NFATC3: variants seen among roughly 807,000 people sequenced by gnomAD.
NFATC3 encodes the protein nuclear factor of activated T-cells, cytoplasmic 3.
In NFATC3, 46 loss-of-function variants were observed where a neutral mutation model predicts 98.6. The ratio of observed to expected loss-of-function variants is 0.47; its 90% CI spans 0.37 to 0.60. The LOEUF is 0.60. NFATC3 is among the 20% of genes least tolerant of loss of function. The probability of loss-of-function intolerance (pLI) is 0.00; values close to 1 mark genes in which losing one functional copy is unlikely to be tolerated. For missense variants in NFATC3, 1,256 were observed against 1,295.5 expected, an observed-to-expected ratio of 0.97 and a Z score of 0.47; for synonymous variants, 512 against 472.2, an observed-to-expected ratio of 1.08 and a Z score of -1.09.
chr16:68,091,554 T>A (rs2034708698), intron 1 of NFATC3, among the ~76,000 whole-genome samples: 1 of 152,206 alleles, frequency 6.6e-6, no homozygotes, highest in South Asian at 2.1e-4. Flanking sequence ...GTTAATGAGT[T>A]GTATCACTGA....
In NFATC3 at chr16:68,122,037, C is replaced by T. The variant is rs147109422; in HGVS notation, c.154C>T (p.Pro52Ser). The T allele has an allele frequency of 9.2e-5, 148 of 1,613,438 alleles. No homozygotes were observed. Among genetic ancestry groups the T allele is most frequent in the Non-Finnish European group, 1.1e-4 (133 of 1,179,936 alleles). ...ASIYIFNVDP[P>S]PSTLTTPLCL... ...CATTTACATCTTTAATGTAGATCCA[C>T]CTCCATCTACTTTAACCACACCACT... is the stretch of plus-strand genomic sequence containing the variant. Residue 52 changes from proline (P) to serine (S), a missense_variant, in exon 2 of 10, where the codon CCT becomes TCT. Physicochemically the swap from Pro to Ser is moderately conservative, Grantham distance 74. Coordinates refer to ENST00000346183, the MANE Select transcript of NFATC3 (RefSeq NM_173165.3).
chr16:68,188,888 A>G (rs2040324045), intron 8 of NFATC3, among the ~76,000 whole-genome samples: 1 of 151,974 alleles, frequency 6.6e-6, no homozygotes, highest in Admixed American at 6.6e-5. Flanking sequence ...TTGTGTTTTT[A>G]GTAGAGACAG....
chr16:68,157,828 A>G, intron 3 of NFATC3, 41 bp from the exon 4 acceptor site: 4 of 1,522,792 alleles, frequency 2.6e-6, no homozygotes, highest in Non-Finnish European at 3.6e-6. Flanking sequence ...AAATGCATGG[A>G]TAATGAATTG....
chr16:68,174,302 T>C, intron 5 of NFATC3, 72 bp from the exon 6 acceptor site: 1 of 1,187,778 alleles, frequency 8.4e-7, no homozygotes, highest in Non-Finnish European at 1.1e-6. Flanking sequence ...AGCTTGAGTT[T>C]GTCATTTATG....
In NFATC3 at chr16:68,226,968, A is replaced by G. The variant is rs2151188534; in HGVS notation, c.*497A>G. ...AAAAGAAAAAGAAAAAAATATCCCA[A>G]GCCCACACCTATGCCTCAGAAAGTC... On this transcript the variant is annotated 3_prime_UTR_variant, in exon 10 of 10. Coordinates refer to ENST00000346183, the MANE Select transcript of NFATC3 (RefSeq NM_173165.3). The G allele has an allele frequency of 6.6e-6, 1 of 151,514 alleles. No homozygotes were observed. The highest frequency in any genetic ancestry group is 1.9e-4 in the East Asian group (1 of 5,182). The allele number at this position is 151,514 out of a possible 1,614,324, so 9.4% of individuals were successfully genotyped here.
chr16:68,103,297 C>T (rs1857488307), intron 1 of NFATC3, among the ~76,000 whole-genome samples: 1 of 151,994 alleles, frequency 6.6e-6, no homozygotes, highest in Non-Finnish European at 1.5e-5. Context: ...CAGCCTTGAC[C>T]TCCTTGGCTC....
intron 1 of NFATC3, among the ~76,000 whole-genome samples, chr16:68,110,035 C>T (rs2035859764): frequency 6.6e-6 from 1 of 152,190 alleles, no homozygotes; most frequent in South Asian, 2.1e-4. Context: ...GATGGAGTCT[C>T]ACTCTGTTGC....
chr16:68,194,332 G>A (rs953424730), intron 9 of NFATC3, among the ~76,000 whole-genome samples: 3 of 152,120 alleles, frequency 2.0e-5, no homozygotes, highest in African/African-American at 2.4e-5. Flanking sequence ...ATTTCACTGC[G>A]TTAACCCATG....
At chr16:68,157,070 C>T (rs575184066) in intron 3 of NFATC3, among the ~76,000 whole-genome samples, 1 of 151,730 alleles carries the variant, frequency 6.6e-6, no homozygotes, top group South Asian at 2.1e-4. Flanking sequence ...ACATCAGGAA[C>T]AAGACAAGGA....
Position 68,191,779 on chromosome 16 carries a change from A to T in NFATC3, c.3106+4A>T. ...CAGGACATCACTTTAGATGATGGTA[A>T]GTTCATCTCTGATATGTTCTTGAAG... is the stretch of plus-strand genomic sequence containing the variant. On this transcript the variant is annotated splice_donor_region_variant and intron_variant, in intron 9 of 9. Coordinates refer to ENST00000346183, the MANE Select transcript of NFATC3 (RefSeq NM_173165.3). 9 of 1,613,888 alleles carry T rather than the reference A, an allele frequency of 5.6e-6. No individual in the cohort carries two copies. The highest frequency in any genetic ancestry group is 7.6e-6 in the Non-Finnish European group (9 of 1,179,754).
chr16:68,176,103 G>C (rs980281379), intron 6 of NFATC3, among the ~76,000 whole-genome samples: 1 of 152,034 alleles, frequency 6.6e-6, no homozygotes, highest in East Asian at 1.9e-4. Flanking sequence ...TCAGCCTCCC[G>C]AGTAGCTGGG....
At chr16:68,224,796 A>T (rs1310598202) in intron 9 of NFATC3, 1 of 152,206 alleles carries the variant, frequency 6.6e-6, no homozygotes, top group East Asian at 1.9e-4. Flanking sequence ...GAAGATTTTT[A>T]AAATCTTTTT....
intron 1 of NFATC3, among the ~76,000 whole-genome samples, chr16:68,086,418 T>C (rs543162742): frequency 6.6e-6 from 1 of 152,246 alleles, no homozygotes; most frequent in South Asian, 2.1e-4. Flanking sequence ...TTTTTCATAA[T>C]TTTCCTAGAA....
In NFATC3 at chr16:68,166,982, T is replaced by A; in HGVS notation, c.1741T>A (p.Ser581Thr). 6.2e-7 allele frequency: 1 copy of A among 1,614,180 alleles called. No individual in the cohort carries two copies. The highest frequency in any genetic ancestry group is 8.5e-7 in the Non-Finnish European group (1 of 1,180,016). The change falls in exon 5 of 10, where the codon TCT becomes ACT. Residue 581 changes from serine to threonine, a missense_variant. This residue lies in a region of NFATC3 where 636 missense variants were observed against 617.3 expected (regional missense o/e 1.03). Coordinates refer to ENST00000346183, the MANE Select transcript of NFATC3 (RefSeq NM_173165.3). ...CCCACAGCCCAGTGGAAAAGTCCTT[T>A]CTCTGCAGATAGCCTCTATACCCGT... is the stretch of plus-strand genomic sequence containing the variant. ...HIPQPSGKVLSLQIASIPVEC... is the reference protein window; with the variant it reads ...HIPQPSGKVLTLQIASIPVEC...
At position 68,197,357 on chromosome 16, in the gene NFATC3, C is replaced by T. The variant is rs558294099; in HGVS notation, c.3106+5582C>T. Among the ~76,000 whole-genome samples the T allele has an allele frequency of 4.1e-4, 63 of 152,332 alleles. 1 individual carries two copies. The South Asian group carries it at 5.6e-3, about 14-fold the overall frequency. On this transcript the variant is annotated intron_variant, in intron 9 of 9. Transcript: ENST00000346183. Reference sequence around the variant, plus strand: ...GGAGTGCAGTGCTGTGAACACAGCTCACTGCATCCTCAACTTCCTGGGCTG... The same window carrying T: ...GGAGTGCAGTGCTGTGAACACAGCTTACTGCATCCTCAACTTCCTGGGCTG...
At chr16:68,101,369 G>A (rs2035346458) in intron 1 of NFATC3, among the ~76,000 whole-genome samples, 2 of 152,144 alleles carry the variant, frequency 1.3e-5, no homozygotes, top group South Asian at 4.1e-4. Context: ...GTCTCAAACT[G>A]TAGGGCTCAA....
chr16:68,217,880 A>G (rs2041697978), intron 9 of NFATC3: 1 of 1,226,264 alleles, frequency 8.2e-7, no homozygotes, highest in Non-Finnish European at 1.0e-6. Context: ...ACCTAGCTAC[A>G]CTGGGGAAGC....
chr16:68,094,476 A>T (rs560727232), intron 1 of NFATC3, among the ~76,000 whole-genome samples: 28 of 152,114 alleles, frequency 1.8e-4, no homozygotes, highest in Non-Finnish European at 3.7e-4. Flanking sequence ...TGCAAGGAGA[A>T]CTACCTTCTA....
At chr16:68,191,871 C>A in intron 9 of NFATC3, 96 bp downstream of exon 9, 2 of 1,307,770 alleles carry the variant, frequency 1.5e-6, no homozygotes, top group Non-Finnish European at 2.1e-6. Context: ...TGCTTATTGG[C>A]ATATGGTTGG....
Sources: gnomAD v4.1 joint callset for allele counts (sites outside exome capture counted in the v4.1 genomes callset) on GRCh38, gnomAD v4.1.1 for gene constraint, gnomAD v4.1.1 regional missense constraint, MANE v1.5 for transcripts, NCBI Gene and HGNC (gene_info 2026-07-23, HGNC 2026-07-21) for gene names.